RAD51B: variants seen among roughly 807,000 people sequenced by gnomAD.
The protein encoded by RAD51B is RAD51 paralog B, also known as DNA repair protein RAD51 homolog 2.
In RAD51B, 38 loss-of-function variants were observed where a neutral mutation model predicts 42.2. The ratio of observed to expected loss-of-function variants is 0.90; its 90% CI spans 0.70 to 1.18. RAD51B has a LOEUF of 1.18. Among genes scored for constraint, RAD51B ranks in the 50% most tolerant of loss-of-function variants. The pLI, the probability that RAD51B is intolerant of heterozygous loss-of-function variation, is 0.00. For missense variants in RAD51B, 373 were observed against 400.7 expected, an observed-to-expected ratio of 0.93 and a Z score of 0.59; for synonymous variants, 154 against 145.2, an observed-to-expected ratio of 1.06 and a Z score of -0.43.
chr14:68,179,565 A>G (rs971407398), intron 7 of RAD51B, among the ~76,000 whole-genome samples: 6 of 152,178 alleles, frequency 3.9e-5, no homozygotes, highest in African/African-American at 1.4e-4. Context: ...GAACTTATGA[A>G]TTGAAGGTTT....
At chr14:67,957,558 CA>C (rs2074576503) in intron 7 of RAD51B, among the ~76,000 whole-genome samples, 1 of 151,978 alleles carries the variant, frequency 6.6e-6, no homozygotes, top group Admixed American at 6.6e-5. Flanking sequence ...TGAAGATGGC[CA>C]GAGGAAGTTT....
At chr14:68,047,717 G>A (rs1334909192) in intron 7 of RAD51B, among the ~76,000 whole-genome samples, 1 of 152,152 alleles carries the variant, frequency 6.6e-6, no homozygotes, top group Non-Finnish European at 1.5e-5. Context: ...ATGAGGGTGG[G>A]TATAGTTATA....
At chr14:68,048,113 G>A (rs1464431979) in intron 7 of RAD51B, among the ~76,000 whole-genome samples, 1 of 152,150 alleles carries the variant, frequency 6.6e-6, no homozygotes. Context: ...TACATAGTGA[G>A]CAATCAAAAC....
chr14:68,311,226 G>A (rs1595693039), intron 8 of RAD51B, among the ~76,000 whole-genome samples: 1 of 152,188 alleles, frequency 6.6e-6, no homozygotes, highest in Non-Finnish European at 1.5e-5. Context: ...TTAAAGGCTT[G>A]AGGTTTTAAT....
chr14:68,009,196 T>C (rs1441251351), intron 7 of RAD51B, among the ~76,000 whole-genome samples: 2 of 151,906 alleles, frequency 1.3e-5, no homozygotes, highest in Non-Finnish European at 2.9e-5. Flanking sequence ...TCATACTGAT[T>C]AGGGGTGTAA....
At chr14:68,389,802 A>G (rs559916458) in intron 8 of RAD51B, among the ~76,000 whole-genome samples, 32 of 152,366 alleles carry the variant, frequency 2.1e-4, no homozygotes, top group African/African-American at 6.5e-4. Context: ...TCAGGCTTCC[A>G]AAAGACTTCC....
At chr14:67,943,550 A>G (rs570372113) in intron 7 of RAD51B, among the ~76,000 whole-genome samples, 13 of 152,220 alleles carry the variant, frequency 8.5e-5, no homozygotes, top group Middle Eastern at 3.4e-3. Context: ...CCCTCCATCC[A>G]TCCATCCATT....
At position 67,851,410 on chromosome 14, in the gene RAD51B, C is replaced by T. The variant is rs190009678; in HGVS notation, c.316-13593C>T. Among the ~76,000 whole-genome samples the T allele has an allele frequency of 1.5e-3, 226 of 152,096 alleles. 1 individual carries two copies. The highest frequency in any genetic ancestry group is 5.0e-3 in the African/African-American group (207 of 41,490). ...CACAGGTCTATGGGGGTAAGGTTTT[C>T]GACAGGGCTTTGGGCCATGACTGAA... On this transcript the variant is annotated intron_variant, in intron 4 of 10. Coordinates refer to ENST00000471583, the MANE Select transcript of RAD51B (RefSeq NM_133510.4).
At position 67,835,177 on chromosome 14, in the gene RAD51B, C is replaced by T. The variant is rs1260893256; in HGVS notation, c.296C>T (p.Ala99Val). The T allele has an allele frequency of 6.2e-6, 10 of 1,613,346 alleles. No individual in the cohort carries two copies. The highest frequency in any genetic ancestry group is 8.5e-6 in the Non-Finnish European group (10 of 1,179,462). Residue 99 changes from alanine to valine, a missense_variant, in exon 4 of 11, where the codon GCT becomes GTT. Ala to Val is a moderately conservative substitution (Grantham distance 64, BLOSUM62 0). Coordinates refer to ENST00000471583, the MANE Select transcript of RAD51B (RefSeq NM_133510.4). ...GACGAAGCCCTGCATGGTGGTGTGG[C>T]TTGTGGATCCCTCACAGAGGTAAAG... ...ALDEALHGGV[A>V]CGSLTEITGP...
At chr14:68,061,266 A>G (rs2076564641) in intron 7 of RAD51B, among the ~76,000 whole-genome samples, 1 of 151,662 alleles carries the variant, frequency 6.6e-6, no homozygotes, top group Non-Finnish European at 1.5e-5. Context: ...ATGGGGTTTC[A>G]CTATGTTGGC....
At chr14:67,943,998 G>C (rs927777655) in intron 7 of RAD51B, among the ~76,000 whole-genome samples, 1 of 151,980 alleles carries the variant, frequency 6.6e-6, no homozygotes, top group African/African-American at 2.4e-5. Context: ...CATTTCTTCA[G>C]CACTCTGGGA....
chr14:67,901,083 G>A (rs781282241), intron 7 of RAD51B, among the ~76,000 whole-genome samples: 7 of 152,170 alleles, frequency 4.6e-5, no homozygotes, highest in Non-Finnish European at 8.8e-5. Context: ...CCAGAAATAG[G>A]ACTGAGTTCT....
At chr14:68,196,772 A>G (rs1363229156) in intron 7 of RAD51B, among the ~76,000 whole-genome samples, 1 of 152,222 alleles carries the variant, frequency 6.6e-6, no homozygotes, top group East Asian at 1.9e-4. Flanking sequence ...AATACCTGGT[A>G]TAGTCCTAGC....
At chr14:67,916,567 A>T (rs1343482702) in intron 7 of RAD51B, among the ~76,000 whole-genome samples, 5 of 152,026 alleles carry the variant, frequency 3.3e-5, no homozygotes, top group Admixed American at 3.3e-4. Context: ...TTTATTAGAA[A>T]CATAAGAACC....
At chr14:68,388,984 C>A (rs1475786383) in intron 8 of RAD51B, among the ~76,000 whole-genome samples, 2 of 152,130 alleles carry the variant, frequency 1.3e-5, no homozygotes, top group Non-Finnish European at 2.9e-5. Flanking sequence ...TTTTATGGAG[C>A]CATATTTCAG....
intron 7 of RAD51B, among the ~76,000 whole-genome samples, chr14:68,251,108 A>G (rs1595606973): frequency 6.6e-6 from 1 of 152,242 alleles, no homozygotes; most frequent in African/African-American, 2.4e-5. Context: ...TGCTGTTTGG[A>G]GTCATTGACA....
intron 7 of RAD51B, among the ~76,000 whole-genome samples, chr14:68,264,723 A>T (rs1447924019): frequency 6.6e-6 from 1 of 152,198 alleles, no homozygotes; most frequent in Non-Finnish European, 1.5e-5. Context: ...GTAGAAACTC[A>T]TTTAGGAGGA....
At chr14:68,455,500 G>A (rs575966273) in intron 9 of RAD51B, among the ~76,000 whole-genome samples, 53 of 152,180 alleles carry the variant, frequency 3.5e-4, no homozygotes, top group South Asian at 1.0e-3. Context: ...GGTAGATCAC[G>A]AGGTAAGGAG....
Position 68,021,820 on chromosome 14 carries a change from C to A in RAD51B, c.756+134616C>A, listed in dbSNP as rs116533183. Reference sequence around the variant, plus strand: ...GCATTATGTCTAAAAAATGTACAAGCCTTATTTTAAAAATATGGTTAAAAA... The same window carrying A: ...GCATTATGTCTAAAAAATGTACAAGACTTATTTTAAAAATATGGTTAAAAA... On this transcript the variant is annotated intron_variant, in intron 7 of 10. Coordinates refer to ENST00000471583, the MANE Select transcript of RAD51B (RefSeq NM_133510.4). Among the ~76,000 whole-genome samples the A allele has an allele frequency of 3.5e-3, 533 of 152,268 alleles. 5 individuals carry two copies. Among genetic ancestry groups the A allele is most frequent in the African/African-American group, 0.012 (516 of 41,548 alleles).
Sources: allele counts gnomAD v4.1 joint callset (sites outside exome capture counted in the v4.1 genomes callset), GRCh38; gene constraint gnomAD v4.1.1; transcripts MANE v1.5; gene names NCBI Gene and HGNC (gene_info 2026-07-23, HGNC 2026-07-21).